Variants in SPAG16 observed in about 807,000 individuals in gnomAD.
The protein encoded by SPAG16 is sperm-associated antigen 16 protein.
SPAG16 carries 86 observed loss-of-function variants against 80.4 expected under a neutral mutation model. The observed-to-expected ratio is 1.07, with a 90% CI of 0.90 to 1.28. The LOEUF (loss-of-function observed/expected upper bound fraction) is 1.28, where lower values mean the gene tolerates loss of function less well. Ranked by LOEUF, SPAG16 falls within the 50% of genes most tolerant of loss-of-function variation. SPAG16 has a pLI of 0.00. For missense variants in SPAG16, 870 were observed against 765.3 expected (o/e 1.14, Z -1.61); for synonymous variants, 294 against 265.9 (o/e 1.11, Z -1.03).
rs555409594 is a variant in SPAG16, at chr2:213,510,821, T to C, written c.1070+20731T>C. On this transcript the variant is annotated intron_variant, in intron 10 of 15. Transcript: ENST00000331683. ...TTAATGGAATATACCTATGTTTACCTAGTTATAATTAATATGTTACTTGTA... is the reference window on the plus strand; with the variant it reads ...TTAATGGAATATACCTATGTTTACCCAGTTATAATTAATATGTTACTTGTA... Among the ~76,000 whole-genome samples, 5 of 152,312 alleles carry C rather than the reference T, an allele frequency of 3.3e-5. No homozygotes were observed. The South Asian group carries it at 1.0e-3, about 32-fold the overall frequency.
chr2:213,994,576 CCT>C (rs1491387307), intron 12 of SPAG16, among the ~76,000 whole-genome samples: 2 of 119,678 alleles, frequency 1.7e-5, no homozygotes, highest in African/African-American at 7.6e-5. Flanking sequence ...GATTTTCCAT[CCT>C]TTTTTTTTTT....
chr2:213,447,473 T>C (rs774088089), intron 9 of SPAG16, among the ~76,000 whole-genome samples: 10 of 152,184 alleles, frequency 6.6e-5, no homozygotes, highest in South Asian at 2.1e-4. Flanking sequence ...TTTGAGCCCT[T>C]TTCCTCTTTT....
At chr2:214,133,404 G>A (rs984302428) in intron 14 of SPAG16, among the ~76,000 whole-genome samples, 2 of 151,992 alleles carry the variant, frequency 1.3e-5, no homozygotes, top group East Asian at 1.9e-4. Flanking sequence ...GGTGGCTTAC[G>A]CCTGTGCACT....
chr2:213,714,955 A>G (rs777337506), intron 10 of SPAG16, among the ~76,000 whole-genome samples: 7 of 152,198 alleles, frequency 4.6e-5, no homozygotes, highest in African/African-American at 9.7e-5. Context: ...TTCTACGGCT[A>G]TAATTCTTTG....
chr2:213,523,913 G>A (rs1321729655), intron 10 of SPAG16, among the ~76,000 whole-genome samples: 1 of 152,210 alleles, frequency 6.6e-6, no homozygotes, highest in Non-Finnish European at 1.5e-5. Flanking sequence ...GCCTGACAAT[G>A]CAATAGAAAA....
chr2:214,064,284 T>TTA (rs934605377), intron 13 of SPAG16, among the ~76,000 whole-genome samples: 1 of 152,116 alleles, frequency 6.6e-6, no homozygotes, highest in Non-Finnish European at 1.5e-5. Flanking sequence ...TTAATTATAC[T>TTA]TATATATATT....
At chr2:213,629,819 G>A (rs185021911) in intron 10 of SPAG16, among the ~76,000 whole-genome samples, 3 of 152,284 alleles carry the variant, frequency 2.0e-5, no homozygotes, top group East Asian at 3.9e-4. Context: ...CTTCAGCCTC[G>A]CTGTCTAATG....
rs972205777 is a variant in SPAG16 at position 213,513,962 on chromosome 2, G to A, written c.1070+23872G>A. On this transcript the variant is annotated intron_variant, in intron 10 of 15. Coordinates refer to ENST00000331683, the MANE Select transcript of SPAG16 (RefSeq NM_024532.5). Reference sequence around the variant, plus strand: ...ATAGCTTTGGTCAGAAAGTATGGAGGAGGATTGAGCAACCAGACAAAATTA... The same window carrying A: ...ATAGCTTTGGTCAGAAAGTATGGAGAAGGATTGAGCAACCAGACAAAATTA... 2.6e-5 allele frequency among the ~76,000 whole-genome samples: 4 copies of A among 152,142 alleles called. No homozygotes were observed. In the South Asian group the frequency reaches 8.3e-4, roughly 32 times the overall value.
intron 15 of SPAG16, among the ~76,000 whole-genome samples, chr2:214,407,528 A>C (rs1702059931): frequency 6.6e-6 from 1 of 152,064 alleles, no homozygotes; most frequent in African/African-American, 2.4e-5. Context: ...ATCCTCCCTA[A>C]ATTTGTCATT....
intron 10 of SPAG16, among the ~76,000 whole-genome samples, chr2:213,594,941 A>ATCTG (rs973972966): frequency 8.5e-5 from 13 of 152,208 alleles, no homozygotes; most frequent in Admixed American, 6.5e-4. Context: ...CCATATCCTT[A>ATCTG]TCTGTCTGTC....
At chr2:214,077,318 T>G (rs1389121761) in intron 13 of SPAG16, among the ~76,000 whole-genome samples, 3 of 152,182 alleles carry the variant, frequency 2.0e-5, no homozygotes, top group Non-Finnish European at 4.4e-5. Context: ...CTGAATATCT[T>G]CTTTATTCTT....
rs1216057415 is a variant in SPAG16 at position 214,240,854 on chromosome 2, A to G, written c.1720+91588A>G. On this transcript the variant is annotated intron_variant, in intron 15 of 15. Coordinates refer to ENST00000331683, the MANE Select transcript of SPAG16 (RefSeq NM_024532.5). ...TAATTAAATGTAAATGTATGCTGAA[A>G]AAGTTCATAATCATGAAAAATACAT... is the stretch of plus-strand genomic sequence containing the variant. 3 of 152,216 alleles carry G rather than the reference A, an allele frequency of 2.0e-5. No individual in the cohort carries two copies. The East Asian group carries it at 5.8e-4, about 29-fold the overall frequency. 9.4% of individuals were successfully genotyped at this position (152,216 alleles called of 1,614,324 possible).
At chr2:214,341,658 C>G (rs1013691923) in intron 15 of SPAG16, among the ~76,000 whole-genome samples, 3 of 152,196 alleles carry the variant, frequency 2.0e-5, no homozygotes, top group African/African-American at 7.2e-5. Context: ...AAAATACTTT[C>G]AATCTAGAAT....
intron 10 of SPAG16, among the ~76,000 whole-genome samples, chr2:213,511,504 T>A (rs1241181625): frequency 6.6e-6 from 1 of 152,154 alleles, no homozygotes; most frequent in Non-Finnish European, 1.5e-5. Context: ...AAAATAAATG[T>A]TAGATTTTTC....
At chr2:214,269,893 C>T (rs1270900752) in intron 15 of SPAG16, among the ~76,000 whole-genome samples, 1 of 152,092 alleles carries the variant, frequency 6.6e-6, no homozygotes, top group East Asian at 1.9e-4. Context: ...TAAAATTGAA[C>T]TTATCCTGAA....
At chr2:213,615,213 C>T (rs1203418571) in intron 10 of SPAG16, among the ~76,000 whole-genome samples, 1 of 152,196 alleles carries the variant, frequency 6.6e-6, no homozygotes, top group African/African-American at 2.4e-5. Context: ...ATGATAAAAA[C>T]CCACCTACAG....
intron 10 of SPAG16, among the ~76,000 whole-genome samples, chr2:213,845,826 G>C (rs911240798): frequency 2.0e-5 from 3 of 152,164 alleles, no homozygotes; most frequent in Non-Finnish European, 4.4e-5. Flanking sequence ...AACTCACTCA[G>C]ATGTGTGGAT....
intron 10 of SPAG16, among the ~76,000 whole-genome samples, chr2:213,704,683 C>T (rs1040606754): frequency 2.0e-5 from 3 of 152,136 alleles, no homozygotes; most frequent in Non-Finnish European, 4.4e-5. Context: ...TGTTCTCCAG[C>T]GTTGTCCCTT....
chr2:214,255,759 T>A (rs1249713539), intron 15 of SPAG16, among the ~76,000 whole-genome samples: 1 of 152,006 alleles, frequency 6.6e-6, no homozygotes, highest in African/African-American at 2.4e-5. Context: ...TGGAATCTTT[T>A]GTGTAAGATT....
Sources: allele counts gnomAD v4.1 joint callset (sites outside exome capture counted in the v4.1 genomes callset), GRCh38; gene constraint gnomAD v4.1.1; transcripts MANE v1.5; gene names NCBI Gene and HGNC (gene_info 2026-07-23, HGNC 2026-07-21).